Variants in AFF2 observed in about 807,000 individuals in gnomAD.
AFF2 encodes the protein ALF transcription elongation factor 2.
AFF2 carries 14 observed loss-of-function variants against 76.9 expected under a neutral mutation model. The observed-to-expected ratio is 0.18, with a 90% CI of 0.12 to 0.28. The LOEUF (loss-of-function observed/expected upper bound fraction) is 0.28. Ranked by LOEUF, AFF2 falls within the 10% of genes least tolerant of loss-of-function variation. AFF2 has a pLI of 1.00. For synonymous variants in AFF2, 398 were observed against 366.7 expected (o/e 1.09, Z -0.98); for missense variants, 868 against 1,001.1 (o/e 0.87, Z 1.79).
At chrX:148,949,633 C>G (rs1209693124) in intron 9 of AFF2, among the ~76,000 whole-genome samples, 1 of 112,574 alleles carries the variant, frequency 8.9e-6, no homozygotes, top group Admixed American at 9.4e-5. Flanking sequence ...GAAGGTTGAG[C>G]AGTTGACTTT....
At chrX:148,874,574 A>G (rs1455415614) in intron 7 of AFF2, among the ~76,000 whole-genome samples, 1 of 111,874 alleles carries the variant, frequency 8.9e-6, no homozygotes, top group Non-Finnish European at 1.9e-5. Flanking sequence ...GTTACCCCTA[A>G]GGAAATTGAA....
At chrX:148,517,529 TC>T (rs782276892) in intron 1 of AFF2, among the ~76,000 whole-genome samples, 9 of 112,127 alleles carry the variant, frequency 8.0e-5, no homozygotes, top group African/African-American at 2.9e-4. Flanking sequence ...CTCATTTTTT[TC>T]ACTTGTTGTA....
chrX:148,579,141 TTGAG>T lies in AFF2; in HGVS notation c.48-72854_48-72851del, dbSNP rs782626468. Among the ~76,000 whole-genome samples, 13 of 111,775 alleles carry T rather than the reference TTGAG, an allele frequency of 1.2e-4. No individual in the cohort carries two copies. The East Asian group carries it at 2.0e-3, about 17-fold the overall frequency. Reference sequence around the variant, plus strand: ...CTATGATCAGGAATGTAAGCACTCTTTGAGTGATCCAGCAGCAGACAGAATCAAA... The same window carrying T: ...CTATGATCAGGAATGTAAGCACTCTTTGATCCAGCAGCAGACAGAATCAAA... On this transcript the variant is annotated intron_variant, in intron 1 of 20. Coordinates refer to ENST00000370460, the MANE Select transcript of AFF2 (RefSeq NM_002025.4).
intron 1 of AFF2, among the ~76,000 whole-genome samples, chrX:148,627,887 AG>A (rs2053942590): frequency 2.7e-5 from 3 of 111,947 alleles, no homozygotes; most frequent in Admixed American, 1.9e-4. Flanking sequence ...CTTGAGTTCA[AG>A]GGGGTATCAC....
At chrX:148,896,011 G>A (rs1425263759) in intron 8 of AFF2, among the ~76,000 whole-genome samples, 2 of 111,628 alleles carry the variant, frequency 1.8e-5, no homozygotes, top group Non-Finnish European at 1.9e-5. Context: ...AAACTTTATA[G>A]TGAGTGAGAG....
At chrX:148,513,331 G>C (rs1603226629) in intron 1 of AFF2, among the ~76,000 whole-genome samples, 1 of 111,714 alleles carries the variant, frequency 9.0e-6, no homozygotes, top group East Asian at 2.8e-4. Flanking sequence ...AGCTGCTCCA[G>C]GGATGTACCT....
chrX:148,956,689 T>C, intron 11 of AFF2, 76 bp downstream of exon 11: 4 of 1,013,109 alleles, frequency 3.9e-6, no homozygotes, highest in Non-Finnish European at 4.0e-6. Context: ...TTGAGCCTCA[T>C]CTTCAAGGAA....
At chrX:148,521,368 G>A (rs781976445) in intron 1 of AFF2, among the ~76,000 whole-genome samples, 1 of 81,916 alleles carries the variant, frequency 1.2e-5, no homozygotes, top group African/African-American at 5.4e-5. Context: ...TGAAAAGCAC[G>A]TGCATGCACA....
At chrX:148,657,950 G>A (rs28377989) in intron 2 of AFF2, among the ~76,000 whole-genome samples, 5,125 of 111,858 alleles carry the variant, frequency 0.046, 308 homozygotes, top group African/African-American at 0.16. Context: ...AGAGTACATT[G>A]TGTAGGTGTG....
At chrX:148,954,580 C>G (rs1011647862) in intron 10 of AFF2, among the ~76,000 whole-genome samples, 4 of 112,095 alleles carry the variant, frequency 3.6e-5, no homozygotes, top group Non-Finnish European at 7.5e-5. Context: ...TTACAGAGTA[C>G]TTATTATTAT....
chrX:148,814,062 C>T (rs1316643713), intron 4 of AFF2, among the ~76,000 whole-genome samples: 1 of 112,209 alleles, frequency 8.9e-6, no homozygotes, highest in Non-Finnish European at 1.9e-5. Flanking sequence ...GCTGTTTACT[C>T]TTTAGAGTCA....
intron 3 of AFF2, among the ~76,000 whole-genome samples, chrX:148,807,705 A>G (rs1354403221): frequency 1.8e-5 from 2 of 112,818 alleles, no homozygotes; most frequent in Non-Finnish European, 3.7e-5. Context: ...ACTCTAATAC[A>G]ATACAACAAT....
At chrX:148,959,367 A>T in intron 12 of AFF2, among the ~76,000 whole-genome samples, 1 of 112,588 alleles carries the variant, frequency 8.9e-6, no homozygotes, top group Non-Finnish European at 1.9e-5. Context: ...CATCAAAGCC[A>T]GTTTTGGAGC....
intron 9 of AFF2, among the ~76,000 whole-genome samples, chrX:148,930,908 A>G (rs1283398105): frequency 8.9e-6 from 1 of 111,854 alleles, no homozygotes; most frequent in Non-Finnish European, 1.9e-5. Flanking sequence ...GGTTTCATTC[A>G]TTTCATCAAA....
intron 3 of AFF2, among the ~76,000 whole-genome samples, chrX:148,807,222 G>C (rs925738545): frequency 8.9e-6 from 1 of 111,864 alleles, no homozygotes; most frequent in Non-Finnish European, 1.9e-5. Context: ...ATTTCAAAGA[G>C]TAGAGATGAT....
chrX:148,644,180 A>G (rs191804893), intron 1 of AFF2, among the ~76,000 whole-genome samples: 37 of 111,880 alleles, frequency 3.3e-4, no homozygotes, highest in African/African-American at 1.0e-3. Context: ...GAAGATAGTT[A>G]AGATTTTAGA....
At chrX:148,963,435 G>A (rs2072134852) in intron 13 of AFF2, among the ~76,000 whole-genome samples, 1 of 111,834 alleles carries the variant, frequency 8.9e-6, no homozygotes, top group Non-Finnish European at 1.9e-5. Flanking sequence ...TGCTAGCACT[G>A]CAACAAATTT....
chrX:148,636,177 G>A (rs183392670), intron 1 of AFF2, among the ~76,000 whole-genome samples: 11 of 111,257 alleles, frequency 9.9e-5, no homozygotes, highest in Admixed American at 1.9e-4. Flanking sequence ...CATACATTAC[G>A]ATGAATAGAG....
intron 3 of AFF2, among the ~76,000 whole-genome samples, chrX:148,780,375 C>T (rs1398652810): frequency 8.9e-6 from 1 of 112,083 alleles, no homozygotes. Flanking sequence ...CCTGCACTTT[C>T]AGGTACATCA....
Sources: allele counts gnomAD v4.1 joint callset (sites outside exome capture counted in the v4.1 genomes callset), GRCh38; gene constraint gnomAD v4.1.1; transcripts MANE v1.5; gene names NCBI Gene and HGNC (gene_info 2026-07-23, HGNC 2026-07-21).